The following NPR3 variants were observed in gnomAD, a reference collection of about 807,000 sequenced individuals.
The protein encoded by NPR3 is natriuretic peptide receptor 3.
In NPR3, 34 loss-of-function variants were observed where a neutral mutation model predicts 54.5. That is an observed-to-expected ratio of 0.62 (90% confidence interval 0.47 to 0.83). NPR3 has a LOEUF of 0.83. Ranked by LOEUF, NPR3 falls within the 40% of genes least tolerant of loss-of-function variation. The pLI is 0.00. For missense variants in NPR3, 674 were observed against 720.8 expected (o/e 0.94, Z 0.74); for synonymous variants, 289 against 297.1 (o/e 0.97, Z 0.28).
Position 32,711,474 on chromosome 5 carries a change from G to A in NPR3, c.-303G>A. On this transcript the variant is annotated 5_prime_UTR_variant, in exon 1 of 8. It removes an upstream start codon present in the reference 5' UTR. Transcript: ENST00000265074. ...GCCACCTCTAAGCAAAATAGTATAT[G>A]TATAAACGGAGGGCGAATATATACA... is the stretch of plus-strand genomic sequence containing the variant. 8.9e-7 allele frequency: 1 copy of A among 1,122,506 alleles called. No homozygotes were observed. 69.5% of individuals were successfully genotyped at this position (1,122,506 alleles called of 1,614,324 possible).
At chr5:32,769,075 C>T (rs3811965) in intron 3 of NPR3, among the ~76,000 whole-genome samples, 21,180 of 152,084 alleles carry the variant, frequency 0.14, 1,600 homozygotes, top group South Asian at 0.21. Flanking sequence ...TGAAGACAGG[C>T]CCACTATAGA....
At chr5:32,696,544 T>C (rs946276850) in intron 1 of NPR3, among the ~76,000 whole-genome samples, 4 of 152,100 alleles carry the variant, frequency 2.6e-5, no homozygotes, top group African/African-American at 9.7e-5. Flanking sequence ...GTGAAGAATG[T>C]CATTGGTATT....
intron 5 of NPR3, among the ~76,000 whole-genome samples, chr5:32,781,256 G>A (rs376054696): frequency 6.6e-6 from 1 of 151,930 alleles, no homozygotes. Flanking sequence ...GCTTGGGAGT[G>A]TGAACTCTCT....
chr5:32,749,666 T>C (rs960255230), intron 3 of NPR3, among the ~76,000 whole-genome samples: 1 of 152,222 alleles, frequency 6.6e-6, no homozygotes, highest in Non-Finnish European at 1.5e-5. Flanking sequence ...GGCTGCCCTA[T>C]ATTCTTGGGG....
At position 32,711,587 on chromosome 5, in the gene NPR3, A is replaced by G; in HGVS notation, c.-190A>G. The G allele has an allele frequency of 8.1e-7, 1 of 1,236,806 alleles. No individual in the cohort carries two copies. Among genetic ancestry groups the G allele is most frequent in the Non-Finnish European group, 1.0e-6 (1 of 993,356 alleles). The allele number at this position is 1,236,806 out of a possible 1,614,324, so 76.6% of individuals were successfully genotyped here. ...TTTTCTTTTTTTTTTAAGAAAAACT[A>G]GTGACATTGCAGAGAAGGACGCTTC... On this transcript the variant is annotated 5_prime_UTR_variant, in exon 1 of 8. Coordinates refer to ENST00000265074, the MANE Select transcript of NPR3 (RefSeq NM_001204375.2).
chr5:32,762,259 T>C (rs1741214258), intron 3 of NPR3, among the ~76,000 whole-genome samples: 1 of 152,082 alleles, frequency 6.6e-6, no homozygotes, highest in Non-Finnish European at 1.5e-5. Context: ...AACATACATG[T>C]GCATGTGTCT....
At chr5:32,764,624 C>A (rs1404081379) in intron 3 of NPR3, among the ~76,000 whole-genome samples, 1 of 151,392 alleles carries the variant, frequency 6.6e-6, no homozygotes, top group East Asian at 1.9e-4. Flanking sequence ...CCTGTCTCTA[C>A]CAAAAATACA....
intron 3 of NPR3, among the ~76,000 whole-genome samples, chr5:32,745,476 G>A (rs1318853732): frequency 6.6e-6 from 1 of 152,174 alleles, no homozygotes; most frequent in African/African-American, 2.4e-5. Context: ...CTGGTATTTG[G>A]TTTTAGAATG....
chr5:32,716,865 C>T (rs1738581386), intron 1 of NPR3: 1 of 153,172 alleles, frequency 6.5e-6, no homozygotes, highest in Non-Finnish European at 1.4e-5. Context: ...TATTATTATA[C>T]TTTAAGTTCT....
intron 2 of NPR3, among the ~76,000 whole-genome samples, chr5:32,736,121 C>T (rs1739729579): frequency 6.6e-6 from 1 of 150,782 alleles, no homozygotes; most frequent in Admixed American, 6.6e-5. Context: ...ACCCCAGCTA[C>T]TCGGGAGGCT....
chr5:32,758,388 A>G (rs981437161), intron 3 of NPR3, among the ~76,000 whole-genome samples: 108 of 152,186 alleles, frequency 7.1e-4, no homozygotes, highest in South Asian at 1.5e-3. Context: ...GTTTATTTGC[A>G]TAGAGGTGTT....
At chr5:32,736,106 C>T (rs538870154) in intron 2 of NPR3, among the ~76,000 whole-genome samples, 6 of 151,686 alleles carry the variant, frequency 4.0e-5, no homozygotes, top group African/African-American at 1.5e-4. Context: ...TGGCGCATGT[C>T]TGTAACCCCA....
intron 1 of NPR3, among the ~76,000 whole-genome samples, chr5:32,691,920 C>A (rs1372660837): frequency 6.6e-6 from 1 of 152,068 alleles, no homozygotes; most frequent in East Asian, 1.9e-4. Flanking sequence ...CTATTCTCTG[C>A]AAAAATAAGA....
chr5:32,698,540 G>C (rs1414477251), intron 1 of NPR3, among the ~76,000 whole-genome samples: 1 of 152,058 alleles, frequency 6.6e-6, no homozygotes, highest in Non-Finnish European at 1.5e-5. Context: ...TCAATATTCT[G>C]TCTGGAAGAT....
intron 1 of NPR3, among the ~76,000 whole-genome samples, chr5:32,721,862 C>A (rs1415523142): frequency 6.6e-6 from 1 of 152,102 alleles, no homozygotes; most frequent in Non-Finnish European, 1.5e-5. Context: ...CTTGTGAGGA[C>A]CTTCTTGCTG....
At chr5:32,759,832 C>T (rs976169942) in intron 3 of NPR3, among the ~76,000 whole-genome samples, 60 of 152,126 alleles carry the variant, frequency 3.9e-4, no homozygotes, top group Non-Finnish European at 6.6e-4. Context: ...ATTTGCTTGT[C>T]TGTAAAGTAT....
chr5:32,738,548 G>A (rs1698027), intron 2 of NPR3, among the ~76,000 whole-genome samples: 61,234 of 152,062 alleles, frequency 0.4, 13,610 homozygotes, highest in African/African-American at 0.6. Context: ...TAAAAACTGA[G>A]TTCTTTCTCT....
chr5:32,742,497 T>C (rs1199662888), intron 3 of NPR3, among the ~76,000 whole-genome samples: 18 of 152,072 alleles, frequency 1.2e-4, no homozygotes, highest in Admixed American at 1.2e-3. Flanking sequence ...AAAATATAAT[T>C]AAGTATATGT....
intron 1 of NPR3, among the ~76,000 whole-genome samples, chr5:32,718,397 G>A (rs1280355831): frequency 1.3e-5 from 2 of 152,168 alleles, no homozygotes; most frequent in Non-Finnish European, 1.5e-5. Flanking sequence ...GTAGCTTGAT[G>A]GGGATGGCAT....
Sources: gnomAD v4.1 joint callset for allele counts (sites outside exome capture counted in the v4.1 genomes callset) on GRCh38, gnomAD v4.1.1 for gene constraint, MANE v1.5 for transcripts, NCBI Gene and HGNC (gene_info 2026-07-23, HGNC 2026-07-21) for gene names.